Variants in TBC1D32 observed in about 807,000 individuals in gnomAD.
TBC1D32 encodes the protein protein broad-minded.
TBC1D32 carries 151 observed loss-of-function variants against 170.3 expected under a neutral mutation model. The observed-to-expected ratio is 0.89, with a 90% CI of 0.78 to 1.01. The LOEUF is 1.01. TBC1D32 is among the 50% of genes least tolerant of loss of function. The probability of loss-of-function intolerance (pLI) is 0.00; values close to 1 mark genes in which losing one functional copy is unlikely to be tolerated. For synonymous variants in TBC1D32, 498 were observed against 488.0 expected, an observed-to-expected ratio of 1.02 and a Z score of -0.27; for missense variants, 1,464 against 1,457.1, an observed-to-expected ratio of 1.00 and a Z score of -0.08.
chr6:121,216,251 C>T (rs891921834), intron 21 of TBC1D32, among the ~76,000 whole-genome samples: 1 of 152,208 alleles, frequency 6.6e-6, no homozygotes, highest in Non-Finnish European at 1.5e-5. Flanking sequence ...GTGATGAATG[C>T]TTCCTTCCCT....
At chr6:121,193,398 T>C (rs1790333030) in intron 22 of TBC1D32, among the ~76,000 whole-genome samples, 1 of 152,156 alleles carries the variant, frequency 6.6e-6, no homozygotes, top group Admixed American at 6.5e-5. Flanking sequence ...CTCATCCCAG[T>C]TGGGAGGGTC....
intron 15 of TBC1D32, among the ~76,000 whole-genome samples, chr6:121,258,564 T>C (rs1799352662): frequency 6.6e-6 from 1 of 152,150 alleles, no homozygotes; most frequent in Admixed American, 6.5e-5. Context: ...TCTCCACATT[T>C]TTCTCTCCCC....
intron 3 of TBC1D32, among the ~76,000 whole-genome samples, chr6:121,313,174 A>T (rs1583706227): frequency 7.5e-6 from 1 of 133,532 alleles, no homozygotes; most frequent in African/African-American, 2.9e-5. Context: ...GTGTGTAGAG[A>T]CCTTGTCTCT....
At position 121,317,686 on chromosome 6, in the gene TBC1D32, G is replaced by A; in HGVS notation, c.318-14C>T. ...ATTTCTTTGTACCTTTAAATTCAAG[G>A]TAGTCTTAATAAGAGAAAGACGATC... is the stretch of plus-strand genomic sequence containing the variant. On this transcript the variant is annotated splice_polypyrimidine_tract_variant and intron_variant, in intron 2 of 31. Coordinates refer to ENST00000398212, the MANE Select transcript of TBC1D32 (RefSeq NM_152730.6). 1.7e-5 allele frequency: 26 copies of A among 1,546,282 alleles called. No homozygotes were observed. Among genetic ancestry groups the A allele is most frequent in the Non-Finnish European group, 2.2e-5 (25 of 1,143,092 alleles).
At chr6:121,274,870 T>A (rs1425931900) in intron 15 of TBC1D32, among the ~76,000 whole-genome samples, 2 of 152,172 alleles carry the variant, frequency 1.3e-5, no homozygotes, top group African/African-American at 4.8e-5. Context: ...ACTTTGGTAT[T>A]TTAACATGCT....
chr6:121,183,861 T>C (rs143037662), intron 22 of TBC1D32, among the ~76,000 whole-genome samples: 2 of 152,180 alleles, frequency 1.3e-5, no homozygotes, highest in African/African-American at 4.8e-5. Flanking sequence ...CATATGATTT[T>C]ATGGCTGCTA....
At chr6:121,148,903 T>A (rs554506059) in intron 24 of TBC1D32, among the ~76,000 whole-genome samples, 2 of 152,232 alleles carry the variant, frequency 1.3e-5, no homozygotes, top group African/African-American at 4.8e-5. Context: ...TATCACCACA[T>A]CCTCTCCAGC....
At chr6:121,249,790 T>G (rs1798063328) in intron 17 of TBC1D32, among the ~76,000 whole-genome samples, 1 of 151,412 alleles carries the variant, frequency 6.6e-6, no homozygotes, top group Non-Finnish European at 1.5e-5. Flanking sequence ...AGTAAAGATC[T>G]CTACAAAAAA....
At chr6:121,317,782 C>CTAAGGAG in intron 2 of TBC1D32, 110 bp from the exon 3 acceptor site, 1 of 746,472 alleles carries the variant, frequency 1.3e-6, no homozygotes, top group African/African-American at 1.8e-5. Context: ...CCTTTAAGAA[C>CTAAGGAG]ACAATGCTAA....
At chr6:121,239,290 A>G (rs1158540181) in intron 19 of TBC1D32, 102 bp from the exon 20 acceptor site, 1 of 581,996 alleles carries the variant, frequency 1.7e-6, no homozygotes, top group Non-Finnish European at 3.1e-6. Context: ...CTACTCTGAC[A>G]GAAGACACAT....
At chr6:121,300,101 T>C (rs1368610580) in intron 9 of TBC1D32, among the ~76,000 whole-genome samples, 4 of 152,218 alleles carry the variant, frequency 2.6e-5, no homozygotes, top group Non-Finnish European at 4.4e-5. Context: ...AGCTGGATTA[T>C]ATAAGATATC....
intron 17 of TBC1D32, among the ~76,000 whole-genome samples, chr6:121,250,631 T>C (rs1012121755): frequency 2.0e-5 from 3 of 152,136 alleles, no homozygotes; most frequent in Admixed American, 6.5e-5. Context: ...GCCAAGATCA[T>C]ACTGAATGGG....
intron 22 of TBC1D32, among the ~76,000 whole-genome samples, chr6:121,177,409 C>T (rs1242617771): frequency 6.6e-6 from 1 of 152,108 alleles, no homozygotes; most frequent in African/African-American, 2.4e-5. Flanking sequence ...CATGATTGGA[C>T]GCTTCCTGAG....
intron 15 of TBC1D32, among the ~76,000 whole-genome samples, chr6:121,276,171 G>A (rs569690539): frequency 1.4e-4 from 21 of 150,336 alleles, no homozygotes; most frequent in Non-Finnish European, 3.0e-4. Context: ...TAACGGACAA[G>A]TTTATTCAAA....
chr6:121,319,438 C>T (rs1167066106), intron 2 of TBC1D32, among the ~76,000 whole-genome samples: 2 of 152,228 alleles, frequency 1.3e-5, no homozygotes, highest in East Asian at 3.9e-4. Context: ...CAATACACAT[C>T]CACCAAAAGC....
Position 121,202,279 on chromosome 6 carries a change from GA to G in TBC1D32, c.2570+2795del, listed in dbSNP as rs59539189. ...AACATTCAGAGGTTGACTAGAGAAT[GA>G]AAAAAAAAAAAAAGAAAGAAAGAAA... On this transcript the variant is annotated intron_variant, in intron 22 of 31. Coordinates refer to ENST00000398212, the MANE Select transcript of TBC1D32 (RefSeq NM_152730.6). Among the ~76,000 whole-genome samples the G allele has an allele frequency of 7.1e-4, 81 of 114,008 alleles. 2 individuals are homozygous for G. The highest frequency in any genetic ancestry group is 3.5e-3 in the Admixed American group (37 of 10,566). The allele number at this position is 114,008 out of a possible 152,430, so 74.8% of individuals were successfully genotyped here. A position where few individuals can be genotyped will look rare whatever the true frequency, so the allele number is the denominator to read the frequency against.
intron 25 of TBC1D32, among the ~76,000 whole-genome samples, chr6:121,130,592 T>C (rs1157718889): frequency 6.6e-6 from 1 of 152,182 alleles, no homozygotes; most frequent in Non-Finnish European, 1.5e-5. Flanking sequence ...TACATGTTTG[T>C]CCTGTTTCAG....
rs1463649227 is a variant in TBC1D32, at chr6:121,313,291, T to C, written c.496-2444A>G. Among the ~76,000 whole-genome samples, 3 of 150,258 alleles carry C rather than the reference T, an allele frequency of 2.0e-5. No individual in the cohort carries two copies. The East Asian group carries it at 5.9e-4, about 29-fold the overall frequency. On this transcript the variant is annotated intron_variant, in intron 3 of 31. Transcript: ENST00000398212. ...TGGCCTTAATTTTTTTTTTTTTTTT[T>C]TTGAGACGGCATCTCACTCTGTCGC...
At chr6:121,293,048 T>G (rs973487945) in intron 11 of TBC1D32, among the ~76,000 whole-genome samples, 3 of 151,690 alleles carry the variant, frequency 2.0e-5, no homozygotes, top group African/African-American at 7.3e-5. Context: ...CCAGAAAAGA[T>G]AGAGAATTGA....
Sources: allele counts gnomAD v4.1 joint callset (sites outside exome capture counted in the v4.1 genomes callset), GRCh38; gene constraint gnomAD v4.1.1; transcripts MANE v1.5; gene names NCBI Gene and HGNC (gene_info 2026-07-23, HGNC 2026-07-21).